IL4R: variants seen among roughly 807,000 people sequenced by gnomAD.
IL4R encodes interleukin-4 receptor subunit alpha.
A neutral mutation model predicts 41.5 loss-of-function variants in IL4R; 17 were observed. The ratio of observed to expected loss-of-function variants is 0.41; its 90% CI spans 0.28 to 0.61. IL4R has a LOEUF of 0.61. Ranked by LOEUF, IL4R falls within the 20% of genes least tolerant of loss-of-function variation. IL4R has a pLI of 0.31. For synonymous variants in IL4R, 402 were observed against 422.9 expected (o/e 0.95, Z 0.61); for missense variants, 974 against 1,043.1 (o/e 0.93, Z 0.91).
chr16:27,339,054 C>A (rs990362334), intron 2 of IL4R, among the ~76,000 whole-genome samples: 20 of 151,980 alleles, frequency 1.3e-4, no homozygotes, highest in African/African-American at 4.8e-4. Flanking sequence ...GGGGTTTCTC[C>A]ATGTTGGCCA....
chr16:27,362,844 C>A lies in IL4R; in HGVS notation c.1492C>A (p.Arg498Ser), dbSNP rs139797178. Residue 498 changes from arginine (R) to serine (S), a missense_variant, in exon 11 of 11, where the codon CGC becomes AGC. Arg to Ser is a moderately radical substitution (Grantham distance 110). Transcript: ENST00000395762. ...PLVIAGNPAY[R>S]SFSNSLSQSP... Reference sequence around the variant, plus strand: ...CGTCATCGCAGGCAACCCTGCTTACCGCAGCTTCAGCAACTCCCTGAGCCA... The same window carrying A: ...CGTCATCGCAGGCAACCCTGCTTACAGCAGCTTCAGCAACTCCCTGAGCCA... 6.2e-7 allele frequency: 1 copy of A among 1,614,018 alleles called. No homozygotes were observed. Among genetic ancestry groups the A allele is most frequent in the Non-Finnish European group, 8.5e-7 (1 of 1,180,032 alleles).
intron 2 of IL4R, among the ~76,000 whole-genome samples, chr16:27,337,738 G>A (rs957979658): frequency 2.0e-5 from 3 of 150,508 alleles, no homozygotes; most frequent in East Asian, 2.0e-4. Context: ...CGCCACTACC[G>A]CCCGGCTAAT....
chr16:27,360,645 T>A, intron 9 of IL4R, 121 bp from the exon 10 acceptor site: 1 of 1,156,230 alleles, frequency 8.6e-7, no homozygotes, highest in Non-Finnish European at 1.3e-6. Context: ...AAAGCGTAAG[T>A]GACCTGTTGG....
chr16:27,336,576 G>A (rs2085264990), intron 2 of IL4R, among the ~76,000 whole-genome samples: 1 of 151,714 alleles, frequency 6.6e-6, no homozygotes, highest in Non-Finnish European at 1.5e-5. Flanking sequence ...TACTCAGGAG[G>A]CTGAGGTGGG....
intron 6 of IL4R, among the ~76,000 whole-genome samples, chr16:27,347,177 GTGT>G (rs1322253650): frequency 6.6e-6 from 1 of 152,084 alleles, no homozygotes; most frequent in African/African-American, 2.4e-5. Flanking sequence ...CTTCACAGTA[GTGT>G]TGGTGGAGTT....
In IL4R at chr16:27,345,268, GC is replaced by G. The variant is rs2085601360; in HGVS notation, c.361+251del. On this transcript the variant is annotated intron_variant, in intron 5 of 10. Coordinates refer to ENST00000395762, the MANE Select transcript of IL4R (RefSeq NM_000418.4). This position sits in a 1 kb window ranked among gnomAD's most constrained non-coding sequence, Gnocchi z 4.5. ...GCTGTTTCCACCCCTGAACTTAAGT[GC>G]CCAGGAAGGCGTATTGAGATGAGGT... The G allele has an allele frequency of 1.5e-6, 1 of 646,352 alleles. No homozygotes were observed. Among genetic ancestry groups the G allele is most frequent in the Admixed American group, 2.1e-5 (1 of 47,394 alleles). The allele number at this position is 646,352 out of a possible 1,614,324, so 40.0% of individuals were successfully genotyped here.
At chr16:27,342,026 T>C (rs1216944475) in intron 3 of IL4R, 95 bp from the exon 4 acceptor site, 6 of 1,424,564 alleles carry the variant, frequency 4.2e-6, no homozygotes, top group Middle Eastern at 2.0e-4. Flanking sequence ...GCCTGCACTG[T>C]GCTTTTGTGC....
At chr16:27,325,879 G>T (rs1292127764) in intron 1 of IL4R, among the ~76,000 whole-genome samples, 1 of 152,074 alleles carries the variant, frequency 6.6e-6, no homozygotes. Flanking sequence ...AGCTTGCCCA[G>T]CAGGCTGGCT....
intron 1 of IL4R, among the ~76,000 whole-genome samples, chr16:27,328,221 A>C (rs966273167): frequency 6.6e-6 from 1 of 151,560 alleles, no homozygotes; most frequent in African/African-American, 2.4e-5. Context: ...AAAAAAAAAA[A>C]AAGATTGTTG....
intron 1 of IL4R, among the ~76,000 whole-genome samples, chr16:27,323,958 C>T (rs1398806840): frequency 6.6e-6 from 1 of 152,022 alleles, no homozygotes; most frequent in Non-Finnish European, 1.5e-5. Flanking sequence ...CGCGCCCAGC[C>T]TTCAAGTGCT....
chr16:27,350,859 G>A (rs1289137592), intron 6 of IL4R, among the ~76,000 whole-genome samples: 1 of 152,208 alleles, frequency 6.6e-6, no homozygotes, highest in South Asian at 2.1e-4. Context: ...AGGGAGGCAA[G>A]GTTAGGGCAG....
At chr16:27,355,303 A>G (rs1439086495) in intron 7 of IL4R, 1 of 305,038 alleles carries the variant, frequency 3.3e-6, no homozygotes, top group Non-Finnish European at 6.7e-6. Context: ...ATGAAAGTGA[A>G]CAAGGAGAAG....
intron 2 of IL4R, among the ~76,000 whole-genome samples, chr16:27,338,784 C>G (rs2085343015): frequency 6.6e-6 from 1 of 152,100 alleles, no homozygotes; most frequent in Admixed American, 6.6e-5. Context: ...CTCACCAGAT[C>G]TGGATCTCCT....
At chr16:27,344,770 G>C (rs1270099466) in intron 4 of IL4R, 99 bp from the exon 5 acceptor site, 6 of 1,222,466 alleles carry the variant, frequency 4.9e-6, no homozygotes, top group Non-Finnish European at 7.0e-6. Context: ...CGGGAAGCTG[G>C]AAGAGTCTGA....
In IL4R at chr16:27,346,559, T is replaced by A. The variant is rs780980374; in HGVS notation, c.454T>A (p.Tyr152Asn). The part of the protein sequence containing the change: ...TWSNPYPPDN[Y>N]LYNHLTYAVN... ...GAGCAACCCGTATCCCCCTGACAAT[T>A]ACCTGTATAATCATCTCACCTATGC... The change falls in exon 6 of 11, where the codon TAC becomes AAC. Residue 152 changes from tyrosine to asparagine, a missense_variant. Physicochemically the swap from Tyr to Asn is moderately radical, Grantham distance 143. Around this residue, in one of 3 missense-constraint regions of IL4R, gnomAD observed 284 missense variants for 313.4 expected, o/e 0.91. Transcript: ENST00000395762. 6.2e-7 allele frequency: 1 copy of A among 1,614,114 alleles called. No individual in the cohort carries two copies. The highest frequency in any genetic ancestry group is 2.2e-5 in the East Asian group (1 of 44,880).
intron 7 of IL4R, among the ~76,000 whole-genome samples, chr16:27,353,024 G>A (rs3024614): frequency 0.85 from 129,016 of 152,204 alleles, 56,376 homozygotes; most frequent in Non-Finnish European, 0.95. Flanking sequence ...TTGTGGTGCC[G>A]TCATTCTCCA....
At chr16:27,331,832 A>G (rs2085118782) in intron 2 of IL4R, among the ~76,000 whole-genome samples, 1 of 151,936 alleles carries the variant, frequency 6.6e-6, no homozygotes, top group Non-Finnish European at 1.5e-5. Context: ...AGATTTCTCT[A>G]TTTCTCCTTG....
In IL4R at chr16:27,352,413, C is replaced by T. The variant is rs3024609; in HGVS notation, c.514-127C>T. ...GTGGCAAGCAATGGCCTGAACAGGA[C>T]GAACAACCAAATACCCAGGCTGGTG... On this transcript the variant is annotated intron_variant, in intron 6 of 10. Coordinates refer to ENST00000395762, the MANE Select transcript of IL4R (RefSeq NM_000418.4). 3.8e-3 allele frequency: 2,785 copies of T among 731,390 alleles called. 60 individuals are homozygous for T. The African/African-American group carries it at 0.043, about 11-fold the overall frequency. The allele number at this position is 731,390 out of a possible 1,614,324, so 45.3% of individuals were successfully genotyped here. A position where few individuals can be genotyped will look rare whatever the true frequency, so the allele number is the denominator to read the frequency against.
Position 27,360,784 on chromosome 16 carries a change from C to T in IL4R, c.868C>T (p.Arg290Trp), listed in dbSNP as rs747977051. 15 of 1,614,070 alleles carry T rather than the reference C, an allele frequency of 9.3e-6. No individual in the cohort carries two copies. The highest frequency in any genetic ancestry group is 1.7e-4 in the Middle Eastern group (1 of 6,044). Residue 290 changes from arginine to tryptophan, a missense_variant, in exon 10 of 11, where the codon CGG becomes TGG. Physicochemically the swap from Arg to Trp is moderately radical, Grantham distance 101 (BLOSUM62 -3). Coordinates refer to ENST00000395762, the MANE Select transcript of IL4R (RefSeq NM_000418.4). The stretch of plus-strand genomic sequence containing the variant: ...ATTTTAGGGGTCACAGTGGGAGAAG[C>T]GGTCCCGAGGCCAGGAACCAGCCAA... The part of the protein sequence containing the change: ...QDAQGSQWEK[R>W]SRGQEPAKCP...
Sources: gnomAD v4.1 joint callset for allele counts (sites outside exome capture counted in the v4.1 genomes callset) on GRCh38, gnomAD v4.1.1 for gene constraint, gnomAD v4.1.1 regional missense constraint, Gnocchi (gnomAD v3.1) non-coding constraint, MANE v1.5 for transcripts, NCBI Gene and HGNC (gene_info 2026-07-23, HGNC 2026-07-21) for gene names.